NR2F1-AS1: variants seen among roughly 807,000 people sequenced by gnomAD.
NR2F1-AS1 encodes NR2F1 antisense RNA 1.
intron 1 of NR2F1-AS1, among the ~76,000 whole-genome samples, chr5:93,564,418 T>G (rs1752570716): frequency 6.6e-6 from 1 of 152,298 alleles, no homozygotes; most frequent in Non-Finnish European, 1.5e-5. Context: ...GACTCAAGCT[T>G]AGTCATCTCA....
intron 4 of NR2F1-AS1, among the ~76,000 whole-genome samples, chr5:93,549,880 T>A (rs1316846444): frequency 1.3e-5 from 2 of 151,940 alleles, no homozygotes; most frequent in East Asian, 3.9e-4. Context: ...AACCAAACAC[T>A]GCATGCTCTT....
At chr5:93,562,195 A>AAAAAAAGAAAAGAAAAGAAAAGAAAAG (rs755007063) in intron 2 of NR2F1-AS1, among the ~76,000 whole-genome samples, 2 of 136,724 alleles carry the variant, frequency 1.5e-5, no homozygotes, top group South Asian at 2.2e-4. Context: ...AAAAAAAAAA[A>AAAAAAAGAAAAGAAAAGAAAAGAAAAG]AAAAGAAAAG....
At chr5:93,421,157 C>T (rs962333894) in intron 4 of NR2F1-AS1, among the ~76,000 whole-genome samples, 1 of 152,084 alleles carries the variant, frequency 6.6e-6, no homozygotes, top group East Asian at 1.9e-4. Flanking sequence ...AATCACAATG[C>T]AGTATAAAGT....
chr5:93,474,694 G>T (rs1750442348), intron 4 of NR2F1-AS1, among the ~76,000 whole-genome samples: 1 of 152,094 alleles, frequency 6.6e-6, no homozygotes, highest in African/African-American at 2.4e-5. Context: ...CATTCATGAG[G>T]GCTCCTATGA....
chr5:93,582,928 C>T, upstream of NR2F1-AS1, among the ~76,000 whole-genome samples: 1 of 151,866 alleles, frequency 6.6e-6, no homozygotes, highest in Non-Finnish European at 1.5e-5. Flanking sequence ...CCACACCATC[C>T]CAGTCTGTAG....
intron 4 of NR2F1-AS1, among the ~76,000 whole-genome samples, chr5:93,448,962 G>T (rs1035113806): frequency 1.2e-4 from 18 of 152,234 alleles, no homozygotes; most frequent in Middle Eastern, 3.4e-3. Context: ...AATCACAGTA[G>T]GTAGGTAGCT....
At chr5:93,566,813 G>A (rs1054996094) in intron 1 of NR2F1-AS1, among the ~76,000 whole-genome samples, 1 of 151,876 alleles carries the variant, frequency 6.6e-6, no homozygotes, top group African/African-American at 2.4e-5. Flanking sequence ...TTACAACTTA[G>A]TTTATACAAA....
intron 4 of NR2F1-AS1, among the ~76,000 whole-genome samples, chr5:93,491,323 T>A (rs1417249992): frequency 6.7e-6 from 1 of 149,086 alleles, no homozygotes; most frequent in Non-Finnish European, 1.5e-5. Context: ...GTCCTGGTAA[T>A]GGTGGTATTG....
intron 4 of NR2F1-AS1, among the ~76,000 whole-genome samples, chr5:93,547,267 C>T (rs1482673743): frequency 6.6e-6 from 1 of 152,156 alleles, no homozygotes; most frequent in Non-Finnish European, 1.5e-5. Flanking sequence ...CTTTAAAGTA[C>T]TAGGTAGACA....
At chr5:93,499,472 T>C (rs1751032474) in intron 4 of NR2F1-AS1, among the ~76,000 whole-genome samples, 1 of 152,206 alleles carries the variant, frequency 6.6e-6, no homozygotes, top group Non-Finnish European at 1.5e-5. Context: ...TGGTGATCTG[T>C]GATCAGTGAT....
chr5:93,507,049 T>C (rs145612496), intron 4 of NR2F1-AS1, among the ~76,000 whole-genome samples: 62 of 152,280 alleles, frequency 4.1e-4, no homozygotes, highest in African/African-American at 1.4e-3. Context: ...TAGACTGACA[T>C]TGCTAAATTT....
chr5:93,409,477 T>A (rs1440130632), intron 4 of NR2F1-AS1: 1 of 152,208 alleles, frequency 6.6e-6, no homozygotes, highest in African/African-American at 2.4e-5. Context: ...GCACCAGGAA[T>A]GCACAGATGG....
intron 4 of NR2F1-AS1, among the ~76,000 whole-genome samples, chr5:93,514,165 T>A (rs1751355936): frequency 6.6e-6 from 1 of 152,074 alleles, no homozygotes; most frequent in Non-Finnish European, 1.5e-5. Flanking sequence ...ACAGGACTAC[T>A]TACAGGAACA....
At chr5:93,461,298 T>C (rs114446366) in intron 4 of NR2F1-AS1, among the ~76,000 whole-genome samples, 37 of 152,194 alleles carry the variant, frequency 2.4e-4, no homozygotes, top group African/African-American at 7.7e-4. Context: ...CATGGACACA[T>C]TGACAGGAAC....
chr5:93,474,798 T>C (rs1230704388), intron 4 of NR2F1-AS1, among the ~76,000 whole-genome samples: 1 of 152,024 alleles, frequency 6.6e-6, no homozygotes, highest in African/African-American at 2.4e-5. Flanking sequence ...ACATACAAAT[T>C]TGGGGAGAAC....
intron 4 of NR2F1-AS1, among the ~76,000 whole-genome samples, chr5:93,536,604 C>G (rs2149903111): frequency 6.6e-6 from 1 of 152,174 alleles, no homozygotes; most frequent in South Asian, 2.1e-4. Flanking sequence ...ATCAATGAAA[C>G]AGATTAGAGA....
chr5:93,442,099 C>G (rs932823733), intron 4 of NR2F1-AS1, among the ~76,000 whole-genome samples: 13 of 152,268 alleles, frequency 8.5e-5, no homozygotes, highest in African/African-American at 2.2e-4. Context: ...CAAATAGGAA[C>G]AGCTCCAGTC....
At chr5:93,584,012 C>CGTCCGGCAG (rs1753176299), upstream of NR2F1-AS1, 2 of 151,918 alleles carry the variant, frequency 1.3e-5, no homozygotes, top group South Asian at 4.2e-4. Context: ...TCCAGCGCTG[C>CGTCCGGCAG]CTTCCTGAAT....
At chr5:93,508,366 C>T (rs760478292) in intron 4 of NR2F1-AS1, among the ~76,000 whole-genome samples, 17 of 151,838 alleles carry the variant, frequency 1.1e-4, no homozygotes, top group Admixed American at 3.3e-4. Flanking sequence ...GTTGGCAATA[C>T]AAATCATTGA....
Sources: allele counts gnomAD v4.1 joint callset (sites outside exome capture counted in the v4.1 genomes callset), GRCh38; gene constraint gnomAD v4.1.1; transcripts MANE v1.5; gene names NCBI Gene and HGNC (gene_info 2026-07-23, HGNC 2026-07-21).